SKI: variants seen among roughly 807,000 people sequenced by gnomAD.
SKI encodes the protein SKI proto-oncogene, also known as ski oncogene.
Under a neutral mutation model 59.3 loss-of-function variants are expected in SKI, and 23 were observed. The observed-to-expected ratio is 0.39, with a 90% CI of 0.28 to 0.55. The LOEUF (loss-of-function observed/expected upper bound fraction) is 0.55. SKI is among the 20% of genes least tolerant of loss of function. The probability of loss-of-function intolerance (pLI) is 0.67; values close to 1 mark genes in which losing one functional copy is unlikely to be tolerated. For missense variants in SKI, 1,017 were observed against 1,038.9 expected, an observed-to-expected ratio of 0.98 and a Z score of 0.29; for synonymous variants, 673 against 488.6, an observed-to-expected ratio of 1.38 and a Z score of -4.98.
At chr1:2,242,344 G>A (rs555715876) in intron 1 of SKI, among the ~76,000 whole-genome samples, 25 of 152,304 alleles carry the variant, frequency 1.6e-4, no homozygotes, top group African/African-American at 4.6e-4. Context: ...GGTGGGTTGG[G>A]GGAGAAGTAC....
chr1:2,238,563 G>C (rs1328098382), intron 1 of SKI, among the ~76,000 whole-genome samples: 1 of 152,242 alleles, frequency 6.6e-6, no homozygotes, highest in Non-Finnish European at 1.5e-5. Context: ...GGGCCCCAGA[G>C]TGAGGGGACT....
chr1:2,302,888 G>A (rs769079304), intron 1 of SKI, 90 bp from the exon 2 acceptor site: 1 of 1,553,402 alleles, frequency 6.4e-7, no homozygotes, highest in Admixed American at 1.7e-5. Flanking sequence ...AGTGCATGGG[G>A]CTCTGACTGC....
chr1:2,240,278 G>A (rs1638841150), intron 1 of SKI, among the ~76,000 whole-genome samples: 1 of 152,240 alleles, frequency 6.6e-6, no homozygotes, highest in African/African-American at 2.4e-5. Context: ...AAGCGACACC[G>A]GTGGGAAGCC....
chr1:2,273,624 T>G (rs541645060), intron 1 of SKI, among the ~76,000 whole-genome samples: 2 of 152,028 alleles, frequency 1.3e-5, no homozygotes, highest in African/African-American at 4.8e-5. Context: ...GCTGACCTGG[T>G]GGGGGGTAAG....
intron 1 of SKI, among the ~76,000 whole-genome samples, chr1:2,238,925 C>G (rs1638807096): frequency 6.6e-6 from 1 of 152,172 alleles, no homozygotes; most frequent in South Asian, 2.1e-4. Flanking sequence ...GAGATCTCAG[C>G]TGCTGCTTCC....
chr1:2,300,035 C>T (rs561065152), intron 1 of SKI, among the ~76,000 whole-genome samples: 21 of 152,194 alleles, frequency 1.4e-4, no homozygotes, highest in Admixed American at 9.8e-4. Flanking sequence ...GTCAGAGGGC[C>T]TAGGGTGTCC....
At chr1:2,241,790 G>A (rs982377293) in intron 1 of SKI, among the ~76,000 whole-genome samples, 2 of 152,158 alleles carry the variant, frequency 1.3e-5, no homozygotes, top group African/African-American at 4.8e-5. Flanking sequence ...CATAAAAAAC[G>A]CTCACCATGA....
intron 1 of SKI, among the ~76,000 whole-genome samples, chr1:2,271,055 T>G (rs1413223496): frequency 1.3e-5 from 2 of 152,014 alleles, no homozygotes. Context: ...GCACGGTCTG[T>G]GGGGGTTGGA....
At chr1:2,304,651 A>T in intron 5 of SKI, 66 bp downstream of exon 5, 1 of 1,488,984 alleles carries the variant, frequency 6.7e-7, no homozygotes, top group South Asian at 1.3e-5. Context: ...GCACCAGGTG[A>T]ACGGGCACAG....
At chr1:2,302,644 G>A (rs1640453356) in intron 1 of SKI, among the ~76,000 whole-genome samples, 1 of 152,164 alleles carries the variant, frequency 6.6e-6, no homozygotes, top group Non-Finnish European at 1.5e-5. Context: ...AGCCGCTGTG[G>A]AAGGGGAGAG....
At chr1:2,294,782 C>T (rs1569841039) in intron 1 of SKI, among the ~76,000 whole-genome samples, 2 of 152,340 alleles carry the variant, frequency 1.3e-5, no homozygotes, top group South Asian at 2.1e-4. Flanking sequence ...GGCCCTCAGG[C>T]CCCCGTCTGC....
intron 1 of SKI, among the ~76,000 whole-genome samples, chr1:2,253,623 C>T (rs926115093): frequency 6.6e-5 from 10 of 152,232 alleles, no homozygotes; most frequent in African/African-American, 9.7e-5. Flanking sequence ...ATCTTCCCAG[C>T]GCGTGTGCAC....
intron 1 of SKI, among the ~76,000 whole-genome samples, chr1:2,278,299 C>G (rs1032301072): frequency 2.6e-5 from 4 of 152,226 alleles, no homozygotes; most frequent in African/African-American, 9.6e-5. Flanking sequence ...GCAGCCAGCT[C>G]TGGCTTGGCT....
intron 1 of SKI, among the ~76,000 whole-genome samples, chr1:2,274,582 A>G (rs1311210617): frequency 1.3e-5 from 2 of 152,248 alleles, no homozygotes; most frequent in Non-Finnish European, 2.9e-5. Flanking sequence ...CCATGGCAGG[A>G]AGTCCCAGCG....
chr1:2,305,677 C>T (rs1017692844), intron 5 of SKI, among the ~76,000 whole-genome samples: 1 of 152,166 alleles, frequency 6.6e-6, no homozygotes, highest in South Asian at 2.1e-4. Context: ...TGAGGCTGCC[C>T]TCCTCACATT....
At chr1:2,236,698 C>T (rs1357612862) in intron 1 of SKI, among the ~76,000 whole-genome samples, 1 of 152,222 alleles carries the variant, frequency 6.6e-6, no homozygotes, top group Non-Finnish European at 1.5e-5. Context: ...AGCCATTGCG[C>T]CTGGCCATTG....
intron 1 of SKI, among the ~76,000 whole-genome samples, chr1:2,239,803 A>T (rs998746765): frequency 1.3e-5 from 2 of 152,202 alleles, no homozygotes; most frequent in African/African-American, 4.8e-5. Context: ...GTCTAGGCTC[A>T]TCCTGCCCTC....
intron 1 of SKI, among the ~76,000 whole-genome samples, chr1:2,285,171 G>A (rs1045363838): frequency 5.3e-5 from 8 of 152,080 alleles, no homozygotes; most frequent in Non-Finnish European, 7.4e-5. Context: ...CTGCCCTGAC[G>A]TCAGCTGCCT....
At chr1:2,243,498 G>A (rs1211241096) in intron 1 of SKI, among the ~76,000 whole-genome samples, 1 of 152,244 alleles carries the variant, frequency 6.6e-6, no homozygotes, top group Non-Finnish European at 1.5e-5. Context: ...GACTCACTGT[G>A]TCAGTGTCAC....
Sources: gnomAD v4.1 joint callset for allele counts (sites outside exome capture counted in the v4.1 genomes callset) on GRCh38, gnomAD v4.1.1 for gene constraint, MANE v1.5 for transcripts, NCBI Gene and HGNC (gene_info 2026-07-23, HGNC 2026-07-21) for gene names.